CCDC148: variants seen among roughly 807,000 people sequenced by gnomAD.
CCDC148 encodes the protein coiled-coil domain containing 148.
Under a neutral mutation model 85.7 loss-of-function variants are expected in CCDC148, and 89 were observed. The ratio of observed to expected loss-of-function variants is 1.04; its 90% CI spans 0.87 to 1.24. The LOEUF is 1.24. Among genes scored for constraint, CCDC148 ranks in the 50% most tolerant of loss-of-function variants. The probability of loss-of-function intolerance (pLI) is 0.00; values close to 1 mark genes in which losing one functional copy is unlikely to be tolerated. For synonymous variants in CCDC148, 230 were observed against 213.9 expected (o/e 1.08, Z -0.66); for missense variants, 692 against 671.7 (o/e 1.03, Z -0.33).
At chr2:158,289,111 C>T (rs953383499) in intron 9 of CCDC148, among the ~76,000 whole-genome samples, 1 of 152,178 alleles carries the variant, frequency 6.6e-6, no homozygotes, top group African/African-American at 2.4e-5. Context: ...TACAATTCAA[C>T]TTGAGATTTC....
intron 10 of CCDC148, among the ~76,000 whole-genome samples, chr2:158,224,033 G>A (rs189092142): frequency 8.1e-4 from 124 of 152,310 alleles, no homozygotes; most frequent in African/African-American, 2.8e-3. Flanking sequence ...AGCTAAAGGA[G>A]GAAGTTCGAA....
At chr2:158,184,592 A>T (rs1297992464) in intron 11 of CCDC148, among the ~76,000 whole-genome samples, 2 of 152,168 alleles carry the variant, frequency 1.3e-5, no homozygotes, top group Non-Finnish European at 2.9e-5. Flanking sequence ...GCCCCTTTTC[A>T]GATTGCTACA....
At chr2:158,274,955 CAG>C (rs1333276099) in intron 9 of CCDC148, among the ~76,000 whole-genome samples, 1 of 152,204 alleles carries the variant, frequency 6.6e-6, no homozygotes, top group Non-Finnish European at 1.5e-5. Context: ...AGCAAGTCAA[CAG>C]AGTCACACGG....
chr2:158,345,342 G>C, intron 2 of CCDC148, 24 bp from the exon 3 acceptor site: 1 of 1,531,656 alleles, frequency 6.5e-7, no homozygotes, highest in Non-Finnish European at 9.0e-7. Flanking sequence ...AACAAAAGAG[G>C]AGCAACTTCA....
chr2:158,309,770 C>T (rs944125271), intron 8 of CCDC148, 131 bp from the exon 9 acceptor site: 36 of 722,688 alleles, frequency 5.0e-5, no homozygotes, highest in Non-Finnish European at 7.1e-5. Flanking sequence ...AATATTTAAT[C>T]GTAAATACAG....
chr2:158,407,770 T>C (rs972962021), intron 1 of CCDC148, among the ~76,000 whole-genome samples: 12 of 152,156 alleles, frequency 7.9e-5, no homozygotes, highest in African/African-American at 2.9e-4. Flanking sequence ...AGCCTGGTAA[T>C]TGTATGCAAA....
At chr2:158,418,893 G>C (rs17492841) in intron 1 of CCDC148, among the ~76,000 whole-genome samples, 1,794 of 152,146 alleles carry the variant, frequency 0.012, 21 homozygotes, top group Middle Eastern at 0.075. Flanking sequence ...CATTACGTGC[G>C]TGCTAACAGA....
chr2:158,432,045 T>A (rs1376843196), intron 1 of CCDC148, among the ~76,000 whole-genome samples: 46 of 152,114 alleles, frequency 3.0e-4, no homozygotes, highest in Non-Finnish European at 5.9e-5. Flanking sequence ...TATCTTGTGT[T>A]AAGGGTTTTA....
At chr2:158,324,454 T>C (rs1692670575) in intron 7 of CCDC148, among the ~76,000 whole-genome samples, 1 of 152,200 alleles carries the variant, frequency 6.6e-6, no homozygotes, top group Non-Finnish European at 1.5e-5. Flanking sequence ...GGATATATCA[T>C]ACTTGATGAA....
At chr2:158,408,209 A>G (rs1310963956) in intron 1 of CCDC148, among the ~76,000 whole-genome samples, 1 of 152,184 alleles carries the variant, frequency 6.6e-6, no homozygotes, top group Admixed American at 6.5e-5. Flanking sequence ...ATCACCTCAC[A>G]TAACCATTTT....
chr2:158,342,374 T>C (rs111634464), intron 3 of CCDC148, among the ~76,000 whole-genome samples: 4,086 of 152,232 alleles, frequency 0.027, 74 homozygotes, highest in Middle Eastern at 0.092. Flanking sequence ...AGGGGTGATA[T>C]TGTAAGTGAT....
chr2:158,304,514 G>A (rs1691591777), intron 9 of CCDC148, among the ~76,000 whole-genome samples: 1 of 152,074 alleles, frequency 6.6e-6, no homozygotes, highest in African/African-American at 2.4e-5. Context: ...CCTCTGGCAG[G>A]AACCCTGTTA....
intron 2 of CCDC148, among the ~76,000 whole-genome samples, chr2:158,354,963 G>A (rs979279295): frequency 6.6e-4 from 101 of 152,016 alleles, no homozygotes; most frequent in Non-Finnish European, 1.3e-3. Context: ...TATAAACAGA[G>A]CCAAAGACAA....
At chr2:158,341,346 G>A (rs927583226) in intron 3 of CCDC148, among the ~76,000 whole-genome samples, 25 of 143,446 alleles carry the variant, frequency 1.7e-4, no homozygotes, top group African/African-American at 5.8e-4. Context: ...TCGCTTGATC[G>A]CCCAGGCTGG....
intron 9 of CCDC148, among the ~76,000 whole-genome samples, chr2:158,305,832 C>T (rs956050596): frequency 3.8e-4 from 57 of 151,090 alleles, no homozygotes; most frequent in African/African-American, 1.4e-3. Context: ...AGTCTACTCC[C>T]ACTATAAGCA....
chr2:158,408,889 T>G (rs1686138588), intron 1 of CCDC148, among the ~76,000 whole-genome samples: 2 of 152,070 alleles, frequency 1.3e-5, no homozygotes, highest in South Asian at 4.1e-4. Flanking sequence ...AGGTAATAAT[T>G]CATTGTAGTT....
intron 11 of CCDC148, among the ~76,000 whole-genome samples, chr2:158,204,702 T>G (rs953353352): frequency 1.3e-5 from 2 of 150,228 alleles, no homozygotes; most frequent in African/African-American, 4.9e-5. Flanking sequence ...AACCATCCTC[T>G]CCACGCCCTG....
intron 7 of CCDC148, among the ~76,000 whole-genome samples, chr2:158,323,893 T>G (rs2105223463): frequency 6.6e-6 from 1 of 151,410 alleles, no homozygotes. Context: ...GCCAAAATTA[T>G]GTCTAATTTC....
intron 3 of CCDC148, among the ~76,000 whole-genome samples, chr2:158,343,173 C>A (rs1320335470): frequency 6.6e-6 from 1 of 152,166 alleles, no homozygotes; most frequent in African/African-American, 2.4e-5. Context: ...GTATGCACCA[C>A]CACACCCTGG....
Sources: allele counts gnomAD v4.1 joint callset (sites outside exome capture counted in the v4.1 genomes callset), GRCh38; gene constraint gnomAD v4.1.1; transcripts MANE v1.5; gene names NCBI Gene and HGNC (gene_info 2026-07-23, HGNC 2026-07-21).